Variants in NPSR1 observed in about 807,000 individuals in gnomAD.
NPSR1 encodes neuropeptide S receptor 1.
A neutral mutation model predicts 46.9 loss-of-function variants in NPSR1; 48 were observed. The ratio of observed to expected loss-of-function variants is 1.02; its 90% CI spans 0.81 to 1.30. NPSR1 has a LOEUF of 1.30. NPSR1 is among the 50% of genes most tolerant of loss of function. NPSR1 has a pLI of 0.00. For synonymous variants in NPSR1, 176 were observed against 168.1 expected (o/e 1.05, Z -0.36); for missense variants, 450 against 449.5 (o/e 1.00, Z -0.01).
At chr7:34,729,961 A>G (rs1242164286) in intron 2 of NPSR1, among the ~76,000 whole-genome samples, 1 of 152,126 alleles carries the variant, frequency 6.6e-6, no homozygotes, top group Admixed American at 6.5e-5. Flanking sequence ...TTTAGTAGCA[A>G]TGGGGTTTCA....
chr7:34,778,448 T>A lies in NPSR1; in HGVS notation c.281-14T>A. The A allele has an allele frequency of 6.9e-7, 1 of 1,446,744 alleles. No individual in the cohort carries two copies. The highest frequency in any genetic ancestry group is 1.2e-5 in the South Asian group (1 of 86,024). The allele number at this position is 1,446,744 out of a possible 1,614,324, so 89.6% of individuals were successfully genotyped here. A position where few individuals can be genotyped will look rare whatever the true frequency, so the allele number is the denominator to read the frequency against. The stretch of plus-strand genomic sequence containing the variant: ...AATAAACCCTGAATGTAAGCACTTG[T>A]ACGTTTTTGTTAGATTCTTTCACAG... On this transcript the variant is annotated splice_polypyrimidine_tract_variant and intron_variant, in intron 2 of 8. Transcript: ENST00000360581.
At chr7:34,869,860 G>C (rs1277370821) in intron 8 of NPSR1, among the ~76,000 whole-genome samples, 1 of 151,796 alleles carries the variant, frequency 6.6e-6, no homozygotes, top group Non-Finnish European at 1.5e-5. Context: ...GACCAAGGGT[G>C]CACATCTCTT....
intron 2 of NPSR1, among the ~76,000 whole-genome samples, chr7:34,724,074 A>T (rs914071638): frequency 6.6e-6 from 1 of 152,346 alleles, no homozygotes; most frequent in South Asian, 2.1e-4. Flanking sequence ...ATCATCCATT[A>T]TACTTTCACT....
At chr7:34,770,482 G>A (rs769589331) in intron 2 of NPSR1, among the ~76,000 whole-genome samples, 10 of 152,246 alleles carry the variant, frequency 6.6e-5, no homozygotes, top group South Asian at 2.1e-4. Context: ...ACAGACAGGC[G>A]AAAGACTCAG....
chr7:34,827,642 G>GT, intron 5 of NPSR1, 40 bp downstream of exon 5: 6 of 605,466 alleles, frequency 9.9e-6, no homozygotes, highest in Non-Finnish European at 1.4e-5. Context: ...GGGGGGTGGG[G>GT]CGGGGGGGGC....
intron 8 of NPSR1, among the ~76,000 whole-genome samples, chr7:34,862,136 A>T (rs954551525): frequency 1.3e-5 from 2 of 151,724 alleles, no homozygotes; most frequent in African/African-American, 4.9e-5. Flanking sequence ...TTTGCAAACC[A>T]AATTTCTCAG....
At chr7:34,828,472 C>T (rs1789962134) in intron 5 of NPSR1, among the ~76,000 whole-genome samples, 1 of 152,196 alleles carries the variant, frequency 6.6e-6, no homozygotes, top group Non-Finnish European at 1.5e-5. Context: ...TTGGCCATGC[C>T]ATGTGGCAGG....
chr7:34,764,210 T>C (rs1365520122), intron 2 of NPSR1, among the ~76,000 whole-genome samples: 4 of 152,242 alleles, frequency 2.6e-5, no homozygotes, highest in Admixed American at 6.5e-5. Flanking sequence ...TATGTATGCG[T>C]TATTTCTTTA....
intron 2 of NPSR1, among the ~76,000 whole-genome samples, chr7:34,752,523 C>T (rs1583948038): frequency 6.6e-6 from 1 of 152,262 alleles, no homozygotes; most frequent in East Asian, 1.9e-4. Context: ...ACATTCCAGC[C>T]TTCGTACAGG....
intron 3 of NPSR1, among the ~76,000 whole-genome samples, chr7:34,808,610 C>T (rs1788825054): frequency 6.6e-6 from 1 of 152,026 alleles, no homozygotes; most frequent in Non-Finnish European, 1.5e-5. Context: ...TATGCTCTTC[C>T]CTCTTCTTGA....
downstream of NPSR1, among the ~76,000 whole-genome samples, chr7:34,851,346 A>G (rs1259939786): frequency 6.8e-6 from 1 of 147,092 alleles, no homozygotes; most frequent in Non-Finnish European, 1.5e-5. Flanking sequence ...ATTCGATCTG[A>G]CCTTAGGGAA....
chr7:34,721,916 A>C (rs1583879548), intron 2 of NPSR1, among the ~76,000 whole-genome samples: 2 of 152,322 alleles, frequency 1.3e-5, no homozygotes, highest in African/African-American at 4.8e-5. Flanking sequence ...ATAGATAAGC[A>C]TAATTGGTAC....
chr7:34,684,308 C>T (rs1419835), intron 1 of NPSR1, among the ~76,000 whole-genome samples: 46,347 of 152,118 alleles, frequency 0.3, 8,526 homozygotes, highest in African/African-American at 0.53. Flanking sequence ...TTACAATTAC[C>T]TGACCAAAGA....
chr7:34,781,659 C>T (rs977372917), intron 3 of NPSR1, among the ~76,000 whole-genome samples: 1 of 152,156 alleles, frequency 6.6e-6, no homozygotes, highest in Non-Finnish European at 1.5e-5. Flanking sequence ...TTCCTCCTAT[C>T]CCCCAAGAAG....
At chr7:34,677,195 C>T (rs1231505809) in intron 1 of NPSR1, among the ~76,000 whole-genome samples, 1 of 152,184 alleles carries the variant, frequency 6.6e-6, no homozygotes. Context: ...GGATTGTACT[C>T]TACAAAGATG....
intron 3 of NPSR1, among the ~76,000 whole-genome samples, chr7:34,794,613 G>A (rs1195954115): frequency 1.3e-5 from 2 of 152,020 alleles, no homozygotes; most frequent in African/African-American, 4.8e-5. Context: ...AAACATTTAG[G>A]AAAGAAAACT....
chr7:34,835,270 T>A (rs1790312657), intron 6 of NPSR1, among the ~76,000 whole-genome samples: 1 of 152,218 alleles, frequency 6.6e-6, no homozygotes, highest in African/African-American at 2.4e-5. Flanking sequence ...TAGGCTCATA[T>A]ACACAAATAC....
At chr7:34,812,507 G>A (rs1024000720) in intron 4 of NPSR1, among the ~76,000 whole-genome samples, 2 of 152,140 alleles carry the variant, frequency 1.3e-5, no homozygotes, top group African/African-American at 4.8e-5. Flanking sequence ...GTGGAGTGTA[G>A]GAGAGGACCC....
chr7:34,808,501 TTAAG>T (rs750380455), intron 3 of NPSR1, among the ~76,000 whole-genome samples: 6 of 152,182 alleles, frequency 3.9e-5, no homozygotes, highest in Non-Finnish European at 5.9e-5. Context: ...CTCAACTCCC[TTAAG>T]TTTTTCCTGA....
Sources: gnomAD v4.1 joint callset for allele counts (sites outside exome capture counted in the v4.1 genomes callset) on GRCh38, gnomAD v4.1.1 for gene constraint, MANE v1.5 for transcripts, NCBI Gene and HGNC (gene_info 2026-07-23, HGNC 2026-07-21) for gene names.